PCDHGA3: variants seen among roughly 807,000 people sequenced by gnomAD.
PCDHGA3 encodes the protein protocadherin gamma-A3.
In PCDHGA3, 40 loss-of-function variants were observed where a neutral mutation model predicts 58.5. The observed-to-expected ratio is 0.68, with a 90% confidence interval of 0.53 to 0.89. The LOEUF (loss-of-function observed/expected upper bound fraction) is 0.89, where lower values mean the gene tolerates loss of function less well. Ranked by LOEUF, PCDHGA3 falls within the 40% of genes least tolerant of loss-of-function variation. The probability of loss-of-function intolerance (pLI) is 0.00; values close to 1 mark genes in which losing one functional copy is unlikely to be tolerated. For synonymous variants in PCDHGA3, 530 were observed against 525.7 expected (o/e 1.01, Z -0.11); for missense variants, 1,223 against 1,195.9 (o/e 1.02, Z -0.33).
intron 1 of PCDHGA3, chr5:141,351,440 T>C (rs1758720345): frequency 6.2e-7 from 1 of 1,612,578 alleles, no homozygotes; most frequent in Non-Finnish European, 8.5e-7. Flanking sequence ...AGAATCCACC[T>C]CGAAGAATTA....
chr5:141,489,729 C>T lies in PCDHGA3; in HGVS notation c.2425-5078C>T, dbSNP rs760195181. ...ACAGTGCCCAGGATCCGGATGTGGGCACCAATACTGTGAGCTTTTACACTC... is the reference window on the plus strand; with the variant it reads ...ACAGTGCCCAGGATCCGGATGTGGGTACCAATACTGTGAGCTTTTACACTC... On this transcript the variant is annotated intron_variant, in intron 1 of 3. Transcript: ENST00000253812. The surrounding 1 kb of genome is among the most constrained non-coding windows in gnomAD (Gnocchi z 4.5). 2.5e-6 allele frequency: 4 copies of T among 1,614,152 alleles called. No individual in the cohort carries two copies. The highest frequency in any genetic ancestry group is 2.2e-5 in the East Asian group (1 of 44,876).
intron 2 of PCDHGA3, among the ~76,000 whole-genome samples, chr5:141,497,016 C>G (rs1384415729): frequency 6.6e-6 from 1 of 152,056 alleles, no homozygotes; most frequent in East Asian, 1.9e-4. Context: ...TGGTGAAACC[C>G]CATCTCGATT....
At chr5:141,433,040 A>G in intron 1 of PCDHGA3, 1 of 1,614,086 alleles carries the variant, frequency 6.2e-7, no homozygotes, top group Non-Finnish European at 8.5e-7. Flanking sequence ...TTCCCTCACC[A>G]CGGACTCGCG....
chr5:141,362,171 G>C lies in PCDHGA3; in HGVS notation c.2424+15714G>C, dbSNP rs62378417. 152,882 of 1,613,796 alleles carry C rather than the reference G, an allele frequency of 0.095. 8,932 individuals are homozygous for C. The highest frequency in any genetic ancestry group is 0.29 in the African/African-American group (21,432 of 74,954). On this transcript the variant is annotated intron_variant, in intron 1 of 3. Coordinates refer to ENST00000253812, the MANE Select transcript of PCDHGA3 (RefSeq NM_018916.4). ...GTATTGCCAGACCTCAGCGACCGCC[G>C]GGAGCCCTCTGACCCCCAGGCAAAA... is the stretch of plus-strand genomic sequence containing the variant.
intron 1 of PCDHGA3, among the ~76,000 whole-genome samples, chr5:141,368,814 T>C (rs1765871843): frequency 6.6e-6 from 1 of 152,218 alleles, no homozygotes; most frequent in South Asian, 2.1e-4. Context: ...GAAGTGTTCA[T>C]ACAATGAACA....
At chr5:141,404,783 G>A (rs758824309) in intron 1 of PCDHGA3, 39 of 1,613,798 alleles carry the variant, frequency 2.4e-5, no homozygotes, top group South Asian at 2.2e-4. Context: ...CCTATTCAAG[G>A]CCAGTGAGCC....
chr5:141,509,699 C>T (rs779592471), intron 3 of PCDHGA3, among the ~76,000 whole-genome samples: 4 of 152,168 alleles, frequency 2.6e-5, no homozygotes, highest in Non-Finnish European at 5.9e-5. Flanking sequence ...GGACGTTGGA[C>T]TGGAGGTGCT....
In PCDHGA3 at chr5:141,359,468, C is replaced by T. The variant is rs539474224; in HGVS notation, c.2424+13011C>T. On this transcript the variant is annotated intron_variant, in intron 1 of 3. Transcript: ENST00000253812. ...TTAGCAAATAACAATTTTGATTAAACAAATTGTTGTATATTCATATTACGG... is the reference window on the plus strand; with the variant it reads ...TTAGCAAATAACAATTTTGATTAAATAAATTGTTGTATATTCATATTACGG... 1.8e-4 allele frequency among the ~76,000 whole-genome samples: 27 copies of T among 150,682 alleles called. No homozygotes were observed. In the South Asian group the frequency reaches 4.9e-3, roughly 27 times the overall value.
At chr5:141,438,571 TATACATACATAC>T (rs1212381177) in intron 1 of PCDHGA3, among the ~76,000 whole-genome samples, 4 of 94,544 alleles carry the variant, frequency 4.2e-5, no homozygotes, top group African/African-American at 9.7e-5. Context: ...AGCTGTCTGA[TATACATACATAC>T]ATACATACAT....
intron 2 of PCDHGA3, among the ~76,000 whole-genome samples, chr5:141,500,906 G>C (rs1333707004): frequency 6.7e-6 from 1 of 149,672 alleles, no homozygotes; most frequent in African/African-American, 2.5e-5. Flanking sequence ...GTCTCGCTCT[G>C]TCTCCAGGCT....
intron 1 of PCDHGA3, chr5:141,399,317 C>T (rs368407532): frequency 2.0e-5 from 33 of 1,613,814 alleles, no homozygotes; most frequent in Non-Finnish European, 2.8e-5. Flanking sequence ...TCCAAAAATT[C>T]GTATAAGTTG....
Position 141,487,910 on chromosome 5 carries a change from C to T in PCDHGA3, c.2425-6897C>T, listed in dbSNP as rs2099668803. The T allele has an allele frequency of 3.0e-6, 2 of 661,468 alleles. No individual in the cohort carries two copies. Among genetic ancestry groups the T allele is most frequent in the Non-Finnish European group, 5.1e-6 (2 of 388,904 alleles). The allele number at this position is 661,468 out of a possible 1,614,324, so 41.0% of individuals were successfully genotyped here. ...AGCATGATGATGGAATGTGGGAGCA[C>T]AGGAGGCTACAGTGCACAGGGTACA... On this transcript the variant is annotated intron_variant, in intron 1 of 3. Transcript: ENST00000253812. The surrounding 1 kb of genome is among the most constrained non-coding windows in gnomAD (Gnocchi z 5.0).
At chr5:141,351,524 G>C (rs935078369) in intron 1 of PCDHGA3, 1 of 1,613,998 alleles carries the variant, frequency 6.2e-7, no homozygotes, top group African/African-American at 1.3e-5. Flanking sequence ...CATAGCCACC[G>C]ACAAGGGCAA....
chr5:141,423,609 A>G lies in PCDHGA3; in HGVS notation c.2425-71198A>G, dbSNP rs748925693. The G allele has an allele frequency of 5.0e-6, 8 of 1,611,572 alleles. No homozygotes were observed. The South Asian group carries it at 7.7e-5, about 16-fold the overall frequency. ...GTGAGAAAAGCGAGCCACTCTTGAT[A>G]GCTGAAGACTCAGCTATCATTTTAG... On this transcript the variant is annotated intron_variant, in intron 1 of 3. Transcript: ENST00000253812.
chr5:141,409,951 G>C (rs1480000390), intron 1 of PCDHGA3: 1 of 1,613,256 alleles, frequency 6.2e-7, no homozygotes, highest in Non-Finnish European at 8.5e-7. Flanking sequence ...GCTCTGCAGA[G>C]CCCGGCTACC....
chr5:141,414,123 C>T (rs1328389134), intron 1 of PCDHGA3: 1 of 1,592,532 alleles, frequency 6.3e-7, no homozygotes. Flanking sequence ...ATGAAGAAAC[C>T]GGTTTCTATG....
At chr5:141,480,398 G>C (rs2099518275) in intron 1 of PCDHGA3, among the ~76,000 whole-genome samples, 1 of 149,050 alleles carries the variant, frequency 6.7e-6, no homozygotes, top group Non-Finnish European at 1.5e-5. Context: ...CATGGCAATA[G>C]AGTGAGACCC....
At chr5:141,500,293 C>T (rs1380080572) in intron 2 of PCDHGA3, among the ~76,000 whole-genome samples, 3 of 151,870 alleles carry the variant, frequency 2.0e-5, no homozygotes, top group Non-Finnish European at 4.4e-5. Flanking sequence ...ACTGCAAGCT[C>T]CGCCTCCCAG....
intron 1 of PCDHGA3, chr5:141,409,356 A>G: frequency 6.2e-7 from 1 of 1,614,004 alleles, no homozygotes; most frequent in Non-Finnish European, 8.5e-7. Context: ...GTCAGGTGTA[A>G]TATAGAAACA....
Sources: gnomAD v4.1 joint callset for allele counts (sites outside exome capture counted in the v4.1 genomes callset) on GRCh38, gnomAD v4.1.1 for gene constraint, Gnocchi (gnomAD v3.1) non-coding constraint, MANE v1.5 for transcripts, NCBI Gene and HGNC (gene_info 2026-07-23, HGNC 2026-07-21) for gene names.